Variants in LILRA1 observed in about 807,000 individuals in gnomAD.
The protein encoded by LILRA1 is leukocyte immunoglobulin like receptor A1.
A neutral mutation model predicts 51.6 loss-of-function variants in LILRA1; 51 were observed. That is an observed-to-expected ratio of 0.99 (90% confidence interval 0.79 to 1.25). The LOEUF (loss-of-function observed/expected upper bound fraction) is 1.25. LILRA1 is among the 50% of genes most tolerant of loss of function. The pLI, the probability that LILRA1 is intolerant of heterozygous loss-of-function variation, is 0.00. For synonymous variants in LILRA1, 305 were observed against 248.4 expected, an observed-to-expected ratio of 1.23 and a Z score of -2.14; for missense variants, 660 against 611.7, an observed-to-expected ratio of 1.08 and a Z score of -0.83.
chr19:54,596,246 G>A lies in LILRA1; in HGVS notation c.1016G>A (p.Gly339Glu). 1 of 1,614,076 alleles carries A rather than the reference G, an allele frequency of 6.2e-7. No homozygotes were observed. The highest frequency in any genetic ancestry group is 8.5e-7 in the Non-Finnish European group (1 of 1,180,000). The change falls in exon 7 of 10, where the codon GGA becomes GAA. Residue 339 changes from glycine to glutamate, a missense_variant. Physicochemically the swap from Gly to Glu is moderately conservative, Grantham distance 98. Transcript: ENST00000251372. ...SVHPGPTVAS[G>E]ENVTLLCQSW... ...CATCCGGGCCCCACGGTGGCCTCAG[G>A]AGAGAACGTGACCCTGCTGTGTCAG... is the stretch of plus-strand genomic sequence containing the variant.
chr19:54,594,467 G>C lies in LILRA1; in HGVS notation c.61G>C (p.Val21Leu). ...GCTGAGTCTGGGCCCCCGGACCCACGTGCAGGCAGGTGAGTCTGTCCCCAG... is the reference window on the plus strand; with the variant it reads ...GCTGAGTCTGGGCCCCCGGACCCACCTGCAGGCAGGTGAGTCTGTCCCCAG... ...LRLSLGPRTH[V>L]QAGTLPKPTL... The change falls in exon 3 of 10, where the codon GTG becomes CTG. Residue 21 changes from valine (V) to leucine (L), a missense_variant. Val to Leu is a conservative substitution (Grantham distance 32). Coordinates refer to ENST00000251372, the MANE Select transcript of LILRA1 (RefSeq NM_006863.4). The C allele has an allele frequency of 1.9e-6, 3 of 1,614,128 alleles. No individual in the cohort carries two copies. Among genetic ancestry groups the C allele is most frequent in the Non-Finnish European group, 2.5e-6 (3 of 1,180,012 alleles).
rs375458329 is a variant in LILRA1 at position 54,600,210 on chromosome 19, T to C, written c.1313-302T>C. 8.9e-4 allele frequency among the ~76,000 whole-genome samples: 136 copies of C among 152,296 alleles called. 1 individual carries two copies. The South Asian group carries it at 0.027, about 30-fold the overall frequency. ...CTGGGGGAATTGGCTCATGTGCTCCTGTGTCCCTGGCTGCACAGACAGCGC... is the reference window on the plus strand; with the variant it reads ...CTGGGGGAATTGGCTCATGTGCTCCCGTGTCCCTGGCTGCACAGACAGCGC... On this transcript the variant is annotated intron_variant, in intron 8 of 9. Transcript: ENST00000251372.
chr19:54,593,802 A>C lies in LILRA1; in HGVS notation c.-49+21A>C, dbSNP rs28416083. 1.5e-5 allele frequency: 18 copies of C among 1,171,400 alleles called. 1 individual carries two copies. The highest frequency in any genetic ancestry group is 4.5e-4 in the Middle Eastern group (2 of 4,490). The allele number at this position is 1,171,400 out of a possible 1,614,324, so 72.6% of individuals were successfully genotyped here. A position where few individuals can be genotyped will look rare whatever the true frequency, so the allele number is the denominator to read the frequency against. Reference sequence around the variant, plus strand: ...CCATGGTAAGGACCCCACAACGCTGAGCTGATGGATGGCTGAAGGAGGGAG... The same window carrying C: ...CCATGGTAAGGACCCCACAACGCTGCGCTGATGGATGGCTGAAGGAGGGAG... On this transcript the variant is annotated intron_variant, in intron 1 of 9. Coordinates refer to ENST00000251372, the MANE Select transcript of LILRA1 (RefSeq NM_006863.4).
chr19:54,601,340 G>C lies in LILRA1; in HGVS notation c.*523G>C. ...ACCCTGATGCCCTGACACCCTCTCT[G>C]AACCCTACGAGCCCTTCCCTCCTTC... On this transcript the variant is annotated 3_prime_UTR_variant, in exon 10 of 10. Transcript: ENST00000251372. 5.4e-6 allele frequency: 1 copy of C among 185,252 alleles called. No homozygotes were observed. The highest frequency in any genetic ancestry group is 1.1e-5 in the Non-Finnish European group (1 of 88,210). The allele number at this position is 185,252 out of a possible 1,614,324, so 11.5% of individuals were successfully genotyped here.
At position 54,595,996 on chromosome 19, in the gene LILRA1, C is replaced by T. The variant is rs2063042690; in HGVS notation, c.958+61C>T. On this transcript the variant is annotated intron_variant, in intron 6 of 9. Transcript: ENST00000251372. ...CTCCGCACAGGCCCTGCCAGGGGAG[C>T]CCAGGTGGTGATGGCCGGAATGAGG... The T allele has an allele frequency of 4.7e-5, 75 of 1,588,630 alleles. 1 individual carries two copies. The South Asian group carries it at 8.1e-4, about 17-fold the overall frequency.
rs568235289 is a variant in LILRA1, at chr19:54,593,713, G to C, written c.-117G>C. 8.7e-6 allele frequency: 5 copies of C among 572,362 alleles called. No homozygotes were observed. Among genetic ancestry groups the C allele is most frequent in the South Asian group, 7.4e-5 (5 of 67,544 alleles). The allele number at this position is 572,362 out of a possible 1,614,324, so 35.5% of individuals were successfully genotyped here. A position where few individuals can be genotyped will look rare whatever the true frequency, so the allele number is the denominator to read the frequency against. The stretch of plus-strand genomic sequence containing the variant: ...ATGCGAGATGCTTCTCTGCTGATCT[G>C]AGTCTGCCTGCAGCATGGACCTTGG... On this transcript the variant is annotated 5_prime_UTR_variant, in exon 1 of 10. An upstream open reading frame in the 5' UTR loses its in-frame stop. Coordinates refer to ENST00000251372, the MANE Select transcript of LILRA1 (RefSeq NM_006863.4).
Position 54,594,330 on chromosome 19 carries a change from A to T in LILRA1, c.34+52A>T, listed in dbSNP as rs756199969. ...TCTAACCTAGGAGGGACCTCACCCC[A>T]CAGCCGACCTCTAGTCCCTAAGGAG... On this transcript the variant is annotated intron_variant, in intron 2 of 9. Coordinates refer to ENST00000251372, the MANE Select transcript of LILRA1 (RefSeq NM_006863.4). The T allele has an allele frequency of 2.1e-5, 34 of 1,613,604 alleles. No individual in the cohort carries two copies. In the South Asian group the frequency reaches 3.4e-4, roughly 16 times the overall value.
At chr19:54,595,016 G>C in intron 4 of LILRA1, 64 bp downstream of exon 4, 3 of 1,604,238 alleles carry the variant, frequency 1.9e-6, no homozygotes, top group Non-Finnish European at 2.6e-6. Flanking sequence ...CAGTTCTCAG[G>C]GGCATCTCCC....
At chr19:54,594,150 G>T (rs1014703799) in intron 1 of LILRA1, 47 bp from the exon 2 acceptor site, 5 of 1,211,560 alleles carry the variant, frequency 4.1e-6, no homozygotes, top group Non-Finnish European at 6.1e-6. Context: ...CACACTGGGT[G>T]GGAAGGAGGG....
At chr19:54,596,042 G>A in intron 6 of LILRA1, 107 bp downstream of exon 6, 2 of 986,122 alleles carry the variant, frequency 2.0e-6, no homozygotes, top group Non-Finnish European at 2.9e-6. Flanking sequence ...CCAAGGGAGG[G>A]AGAGACAGAC....
Position 54,594,724 on chromosome 19 carries a change from C to T in LILRA1, c.130C>T (p.Pro44Ser). The change falls in exon 4 of 10, where the codon CCC becomes TCC. Residue 44 changes from proline (P) to serine (S), a missense_variant. Transcript: ENST00000251372. ...AGGCTCTGTGATCACCCAGGGGAGT[C>T]CCGTGACCCTCTGGTGTCAGGGGAT... ...EPGSVITQGS[P>S]VTLWCQGILE... The T allele has an allele frequency of 6.2e-7, 1 of 1,613,996 alleles. No individual in the cohort carries two copies. Among genetic ancestry groups the T allele is most frequent in the Non-Finnish European group, 8.5e-7 (1 of 1,179,922 alleles).
At position 54,600,705 on chromosome 19, in the gene LILRA1, A is replaced by G. The variant is rs759994851; in HGVS notation, c.1358A>G (p.His453Arg). The part of the protein sequence containing the change: ...LSPSQNKTAS[H>R]PQDYTVENLI... The stretch of plus-strand genomic sequence containing the variant: ...CTTTGCCCACCATCCCCAGCCTCAC[A>G]CCCCCAGGATTACACAGTGGAGAAT... The change falls in exon 10 of 10, where the codon CAC becomes CGC. Residue 453 changes from histidine to arginine, a missense_variant. Coordinates refer to ENST00000251372, the MANE Select transcript of LILRA1 (RefSeq NM_006863.4). 25 of 1,613,288 alleles carry G rather than the reference A, an allele frequency of 1.5e-5. No individual in the cohort carries two copies. Among genetic ancestry groups the G allele is most frequent in the Non-Finnish European group, 1.9e-5 (23 of 1,179,818 alleles).
At chr19:54,594,356 A>G (rs2062974218) in intron 2 of LILRA1, 78 bp downstream of exon 2, 1 of 1,613,648 alleles carries the variant, frequency 6.2e-7, no homozygotes, top group African/African-American at 1.3e-5. Flanking sequence ...CCCTAAGGAG[A>G]CCCCAGGGGC....
intron 5 of LILRA1, 115 bp from the exon 6 acceptor site, chr19:54,595,524 G>C: frequency 1.3e-6 from 2 of 1,540,400 alleles, no homozygotes; most frequent in South Asian, 1.3e-5. Flanking sequence ...AGGGCTCAGG[G>C]CTCCTGGGGC....
rs531137939 is a variant in LILRA1, at chr19:54,595,176, T to C, written c.435T>C (p.Cys145=). Reference sequence around the variant, plus strand: ...CAGGAGGGAACGTGACCCTCCATTGTGTCTCACAGGTGGCATTTGGCAGCT... The same window carrying C: ...CAGGAGGGAACGTGACCCTCCATTGCGTCTCACAGGTGGCATTTGGCAGCT... The part of the protein sequence containing the change: ...VTSGGNVTLH[C]VSQVAFGSFI... The change falls in exon 5 of 10, where the codon TGT becomes TGC. Residue 145 remains cysteine, a synonymous_variant. Transcript: ENST00000251372. 8 of 1,614,130 alleles carry C rather than the reference T, an allele frequency of 5.0e-6. No individual in the cohort carries two copies. In the East Asian group the frequency reaches 1.8e-4, roughly 36 times the overall value.
chr19:54,594,580 G>C (rs1301586425), intron 3 of LILRA1, 85 bp from the exon 4 acceptor site: 7 of 1,610,682 alleles, frequency 4.3e-6, no homozygotes, highest in Non-Finnish European at 5.9e-6. Context: ...ACTGACTGAT[G>C]GGGGCATCTG....
At chr19:54,593,854 G>A in intron 1 of LILRA1, 73 bp downstream of exon 1, 1 of 738,064 alleles carries the variant, frequency 1.4e-6, no homozygotes, top group South Asian at 1.4e-5. Context: ...GCTGTGAGAA[G>A]GAAAGGGAAG....
rs1600266935 is a variant in LILRA1, at chr19:54,595,921, A to G, written c.944A>G (p.Asp315Gly). Residue 315 changes from aspartate (D) to glycine (G), a missense_variant, in exon 6 of 10, where the codon GAC becomes GGC. Transcript: ENST00000251372. ...SEWSAPSDPL[D>G]ILIAGQFRGR... ...TGGTCGGCCCCCAGCGACCCCCTGGACATCCTGATCGCAGGTGAGGAGCCC... is the reference window on the plus strand; with the variant it reads ...TGGTCGGCCCCCAGCGACCCCCTGGGCATCCTGATCGCAGGTGAGGAGCCC... 3 of 1,612,936 alleles carry G rather than the reference A, an allele frequency of 1.9e-6. No individual in the cohort carries two copies. In the Admixed American group the frequency reaches 5.0e-5, roughly 27 times the overall value.
chr19:54,593,927 C>T (rs2062961459), intron 1 of LILRA1, 146 bp downstream of exon 1: 1 of 678,496 alleles, frequency 1.5e-6, no homozygotes, highest in Non-Finnish European at 2.6e-6. Context: ...GCTGCTACAT[C>T]CCGTCTCTCA....
Sources: gnomAD v4.1 joint callset for allele counts (sites outside exome capture counted in the v4.1 genomes callset) on GRCh38, gnomAD v4.1.1 for gene constraint, MANE v1.5 for transcripts, NCBI Gene and HGNC (gene_info 2026-07-23, HGNC 2026-07-21) for gene names.